ARHGAP5: variants seen among roughly 807,000 people sequenced by gnomAD.
ARHGAP5 encodes the protein rho GTPase-activating protein 5.
ARHGAP5 carries 23 observed loss-of-function variants against 116.6 expected under a neutral mutation model. The observed-to-expected ratio is 0.20, with a 90% CI of 0.14 to 0.28. ARHGAP5 has a LOEUF of 0.28. Among genes scored for constraint, ARHGAP5 ranks in the 10% least tolerant of loss-of-function variants. ARHGAP5 has a pLI of 1.00. For missense variants in ARHGAP5, 1,405 were observed against 1,774.8 expected (o/e 0.79, Z 3.74); for synonymous variants, 574 against 602.0 (o/e 0.95, Z 0.68).
At chr14:32,139,587 C>T (rs943542403) in intron 3 of ARHGAP5, among the ~76,000 whole-genome samples, 1 of 151,856 alleles carries the variant, frequency 6.6e-6, no homozygotes, top group African/African-American at 2.4e-5. Flanking sequence ...TAATTGGAGT[C>T]TTCTCTTTTT....
chr14:32,145,361 G>C (rs1881326661), intron 3 of ARHGAP5, among the ~76,000 whole-genome samples: 1 of 152,368 alleles, frequency 6.6e-6, no homozygotes, highest in East Asian at 1.9e-4. Flanking sequence ...TCCATGCTCT[G>C]TGGCTTGAGT....
At chr14:32,135,631 C>T (rs1408474794) in intron 3 of ARHGAP5, among the ~76,000 whole-genome samples, 1 of 152,232 alleles carries the variant, frequency 6.6e-6, no homozygotes, top group Non-Finnish European at 1.5e-5. Context: ...CCATGTTGGC[C>T]AGGCTGGTCT....
At chr14:32,099,332 G>A in intron 2 of ARHGAP5, among the ~76,000 whole-genome samples, 1 of 152,176 alleles carries the variant, frequency 6.6e-6, no homozygotes, top group East Asian at 1.9e-4. Context: ...AGTCTGAGTT[G>A]TAGATACATA....
chr14:32,080,794 T>A (rs966854170), intron 1 of ARHGAP5, among the ~76,000 whole-genome samples: 1 of 152,016 alleles, frequency 6.6e-6, no homozygotes, highest in Non-Finnish European at 1.5e-5. Context: ...TTCCCCCCAC[T>A]GTGTTTTGGA....
chr14:32,153,901 A>G (rs1476640521), intron 6 of ARHGAP5: 2 of 151,836 alleles, frequency 1.3e-5, no homozygotes, highest in Non-Finnish European at 2.9e-5. Flanking sequence ...AAAAAAAAGG[A>G]AGAAAGGAGA....
At position 32,131,561 on chromosome 14, in the gene ARHGAP5, G is replaced by GTTTGTT. The variant is rs1210798967; in HGVS notation, c.3865+14290_3865+14295dup. On this transcript the variant is annotated intron_variant, in intron 3 of 6. Coordinates refer to ENST00000345122, the MANE Select transcript of ARHGAP5 (RefSeq NM_001030055.2). ...CCACCATTTCATGTTCTTTTTGTTTGTTTGTTTTTGTTTTTGTTTTTTGTT... is the reference window on the plus strand; with the variant it reads ...CCACCATTTCATGTTCTTTTTGTTTGTTTGTTTTTGTTTTTGTTTTTGTTTTTTGTT... Among the ~76,000 whole-genome samples, 3 of 151,946 alleles carry GTTTGTT rather than the reference G, an allele frequency of 2.0e-5. No homozygotes were observed. The East Asian group carries it at 5.8e-4, about 29-fold the overall frequency.
chr14:32,112,762 T>C (rs542086067), intron 2 of ARHGAP5, among the ~76,000 whole-genome samples: 22 of 151,954 alleles, frequency 1.4e-4, no homozygotes, highest in Non-Finnish European at 2.8e-4. Context: ...TCCCAGCTAC[T>C]CAGGAGGCTG....
chr14:32,153,672 C>A (rs1881762289), intron 6 of ARHGAP5, among the ~76,000 whole-genome samples: 1 of 151,558 alleles, frequency 6.6e-6, no homozygotes, highest in African/African-American at 2.4e-5. Flanking sequence ...AGGGTTTCAT[C>A]ATGTTGGCCA....
chr14:32,132,780 A>T (rs1009434239), intron 3 of ARHGAP5, among the ~76,000 whole-genome samples: 4 of 152,182 alleles, frequency 2.6e-5, no homozygotes, highest in African/African-American at 9.7e-5. Context: ...TAAGGAAGGG[A>T]TCCAGTTTCA....
chr14:32,122,472 C>G (rs1013020616), intron 3 of ARHGAP5, among the ~76,000 whole-genome samples: 40 of 152,156 alleles, frequency 2.6e-4, no homozygotes, highest in African/African-American at 9.6e-4. Context: ...TTTTTTACAA[C>G]TTCTTGAAGA....
Position 32,091,056 on chromosome 14 carries a change from A to G in ARHGAP5, c.387A>G (p.Lys129=), listed in dbSNP as rs753076747. ...AAASKLQSAE[K]LMYICTDQLG... ...CATCTAAATTGCAGTCAGCAGAAAA[A>G]CTAATGTACATTTGCACTGATCAGC... The change falls in exon 2 of 7, where the codon AAA becomes AAG. Residue 129 remains lysine, a synonymous_variant. Transcript: ENST00000345122. 1 of 1,613,648 alleles carries G rather than the reference A, an allele frequency of 6.2e-7. No individual in the cohort carries two copies. Among genetic ancestry groups the G allele is most frequent in the South Asian group, 1.1e-5 (1 of 91,066 alleles).
At chr14:32,127,145 G>A (rs945469511) in intron 3 of ARHGAP5, among the ~76,000 whole-genome samples, 78 of 151,596 alleles carry the variant, frequency 5.1e-4, no homozygotes, top group African/African-American at 1.8e-3. Flanking sequence ...CCACAGGTGC[G>A]TGCCACCACT....
At chr14:32,128,532 A>C (rs945053980) in intron 3 of ARHGAP5, among the ~76,000 whole-genome samples, 1 of 152,180 alleles carries the variant, frequency 6.6e-6, no homozygotes, top group African/African-American at 2.4e-5. Flanking sequence ...CGTGTCGGCT[A>C]TCGGTGCTGA....
intron 3 of ARHGAP5, among the ~76,000 whole-genome samples, chr14:32,137,433 A>G (rs190610194): frequency 2.0e-5 from 3 of 151,816 alleles, no homozygotes; most frequent in East Asian, 3.9e-4. Context: ...TCTGTATATT[A>G]TACTTTTGCT....
intron 2 of ARHGAP5, among the ~76,000 whole-genome samples, chr14:32,096,038 A>G (rs555075995): frequency 6.6e-6 from 1 of 152,130 alleles, no homozygotes; most frequent in African/African-American, 2.4e-5. Flanking sequence ...GGGAATCCAT[A>G]TATCCTTTAC....
chr14:32,106,227 T>C (rs1004504337), intron 2 of ARHGAP5, among the ~76,000 whole-genome samples: 2 of 152,158 alleles, frequency 1.3e-5, no homozygotes, highest in Admixed American at 6.5e-5. Flanking sequence ...GTTCAAGTAA[T>C]TCTCTGCCTC....
intron 3 of ARHGAP5, among the ~76,000 whole-genome samples, chr14:32,122,928 T>G (rs180888180): frequency 6.6e-6 from 1 of 152,254 alleles, no homozygotes; most frequent in Admixed American, 6.5e-5. Context: ...AATCAAGAAG[T>G]GTGACTGTTT....
At chr14:32,124,753 A>G (rs1165136331) in intron 3 of ARHGAP5, among the ~76,000 whole-genome samples, 1 of 152,196 alleles carries the variant, frequency 6.6e-6, no homozygotes, top group Non-Finnish European at 1.5e-5. Flanking sequence ...ACAGTTGTAT[A>G]TATGGCTATG....
At chr14:32,138,285 T>C (rs1447514350) in intron 3 of ARHGAP5, among the ~76,000 whole-genome samples, 1 of 152,130 alleles carries the variant, frequency 6.6e-6, no homozygotes, top group Non-Finnish European at 1.5e-5. Flanking sequence ...TATTTGTTTG[T>C]GGTTTGTTTT....
Sources: gnomAD v4.1 joint callset for allele counts (sites outside exome capture counted in the v4.1 genomes callset) on GRCh38, gnomAD v4.1.1 for gene constraint, MANE v1.5 for transcripts, NCBI Gene and HGNC (gene_info 2026-07-23, HGNC 2026-07-21) for gene names.